Variants in UNC13C observed in about 807,000 individuals in gnomAD.
UNC13C encodes the protein protein unc-13 homolog C.
In UNC13C, 174 loss-of-function variants were observed where a neutral mutation model predicts 245.4. The observed-to-expected ratio is 0.71, with a 90% CI of 0.63 to 0.80. The LOEUF (loss-of-function observed/expected upper bound fraction) is 0.80, where lower values mean the gene tolerates loss of function less well. Among genes scored for constraint, UNC13C ranks in the 30% least tolerant of loss-of-function variants. UNC13C has a pLI of 0.00. For missense variants in UNC13C, 2,829 were observed against 2,602.9 expected (o/e 1.09, Z -1.89); for synonymous variants, 992 against 895.1 (o/e 1.11, Z -1.93).
chr15:54,505,105 G>C (rs1461859315), intron 22 of UNC13C, among the ~76,000 whole-genome samples: 1 of 152,088 alleles, frequency 6.6e-6, no homozygotes, highest in African/African-American at 2.4e-5. Flanking sequence ...ATCCGTAAAA[G>C]AGCCCTCTAC....
chr15:54,087,589 A>T (rs1489810004), intron 2 of UNC13C, among the ~76,000 whole-genome samples: 1 of 152,220 alleles, frequency 6.6e-6, no homozygotes, highest in East Asian at 1.9e-4. Context: ...AGATGGGCAT[A>T]TTACAGGCTT....
intron 10 of UNC13C, among the ~76,000 whole-genome samples, chr15:54,290,967 GAGTTA>G (rs2037281642): frequency 6.6e-6 from 1 of 152,010 alleles, no homozygotes; most frequent in African/African-American, 2.4e-5. Flanking sequence ...AATGTATTGA[GAGTTA>G]AGTTTAAGAT....
rs529345888 is a variant in UNC13C at position 54,425,472 on chromosome 15, C to T, written c.4933+10405C>T. 2.6e-5 allele frequency among the ~76,000 whole-genome samples: 4 copies of T among 151,984 alleles called. No homozygotes were observed. The South Asian group carries it at 8.3e-4, about 31-fold the overall frequency. ...CTATGCTCCACATAAGAAAAACTTA[C>T]ATGGACAACCAGGCATGAGAGATCT... On this transcript the variant is annotated intron_variant, in intron 19 of 32. Coordinates refer to ENST00000260323, the MANE Select transcript of UNC13C (RefSeq NM_001080534.3).
At chr15:54,187,079 C>G (rs2034016872) in intron 4 of UNC13C, among the ~76,000 whole-genome samples, 1 of 151,928 alleles carries the variant, frequency 6.6e-6, no homozygotes, top group Non-Finnish European at 1.5e-5. Context: ...AACTCCTGAC[C>G]TCAGGTGATC....
intron 1 of UNC13C, among the ~76,000 whole-genome samples, chr15:53,990,126 C>T (rs1017638083): frequency 5.3e-5 from 8 of 151,946 alleles, no homozygotes; most frequent in African/African-American, 1.9e-4. Context: ...CTTGCCTTCT[C>T]ACTGAAAGAG....
chr15:54,581,703 A>G (rs147725900), intron 30 of UNC13C, among the ~76,000 whole-genome samples: 28 of 152,364 alleles, frequency 1.8e-4, no homozygotes, highest in African/African-American at 6.5e-4. Context: ...CCAACATTCT[A>G]TCTATAGCAC....
At chr15:54,326,266 A>C (rs1328495982) in intron 14 of UNC13C, among the ~76,000 whole-genome samples, 15 of 152,086 alleles carry the variant, frequency 9.9e-5, no homozygotes, top group Non-Finnish European at 1.9e-4. Context: ...AAATGGTTGC[A>C]GAGGGGAAGG....
At chr15:54,183,051 A>G (rs1008430376) in intron 4 of UNC13C, among the ~76,000 whole-genome samples, 1 of 152,030 alleles carries the variant, frequency 6.6e-6, no homozygotes, top group Non-Finnish European at 1.5e-5. Flanking sequence ...AAAATAGATG[A>G]TTCAAGCTAG....
the UNC13C span, among the ~76,000 whole-genome samples, chr15:53,939,953 G>T: frequency 2.0e-5 from 3 of 152,212 alleles, no homozygotes; most frequent in African/African-American, 4.8e-5. Flanking sequence ...GGGGTCGTTT[G>T]TTGGTTAACT....
intron 18 of UNC13C, among the ~76,000 whole-genome samples, chr15:54,411,539 A>AT (rs977694925): frequency 4.6e-5 from 7 of 151,958 alleles, no homozygotes; most frequent in Non-Finnish European, 7.4e-5. Flanking sequence ...ATGAGTCAAG[A>AT]TTTTTTTCTT....
intron 4 of UNC13C, among the ~76,000 whole-genome samples, chr15:54,207,036 C>T (rs889423835): frequency 6.6e-6 from 1 of 151,978 alleles, no homozygotes; most frequent in Non-Finnish European, 1.5e-5. Flanking sequence ...AAGTTTGGAT[C>T]TCACAGTAGC....
chr15:54,571,564 A>AGT (rs1897758871), intron 30 of UNC13C, among the ~76,000 whole-genome samples: 1 of 152,168 alleles, frequency 6.6e-6, no homozygotes, highest in Non-Finnish European at 1.5e-5. Flanking sequence ...AATACCAAAT[A>AGT]CCCATGAATA....
chr15:53,885,999 T>C, the UNC13C span, among the ~76,000 whole-genome samples: 1 of 152,176 alleles, frequency 6.6e-6, no homozygotes, highest in Admixed American at 6.6e-5. Context: ...ACAAGGTTTC[T>C]GACTGTTGGG....
intron 24 of UNC13C, among the ~76,000 whole-genome samples, chr15:54,522,624 A>G (rs185224547): frequency 2.0e-5 from 3 of 152,326 alleles, no homozygotes; most frequent in Admixed American, 6.5e-5. Flanking sequence ...ATGTGGGATT[A>G]TAGTTTATTC....
intron 19 of UNC13C, among the ~76,000 whole-genome samples, chr15:54,450,574 C>T (rs760379015): frequency 1.3e-5 from 2 of 152,210 alleles, no homozygotes; most frequent in Admixed American, 1.3e-4. Context: ...CTGAGCCAGA[C>T]GTGGGATATA....
At chr15:54,066,393 T>C (rs942407814) in intron 2 of UNC13C, among the ~76,000 whole-genome samples, 1 of 152,236 alleles carries the variant, frequency 6.6e-6, no homozygotes, top group Admixed American at 6.5e-5. Flanking sequence ...TTGAAGCTTA[T>C]GTTTGTTAGA....
chr15:54,591,363 G>A (rs1354262082), intron 30 of UNC13C, among the ~76,000 whole-genome samples: 3 of 152,100 alleles, frequency 2.0e-5, no homozygotes, highest in African/African-American at 7.2e-5. Context: ...CAAAAGGATT[G>A]GTACCAATTC....
intron 10 of UNC13C, among the ~76,000 whole-genome samples, chr15:54,292,296 C>T (rs965240803): frequency 1.1e-4 from 16 of 151,890 alleles, no homozygotes; most frequent in African/African-American, 3.9e-4. Context: ...TCCTTAATGC[C>T]TGATGGGTCA....
chr15:54,603,547 A>G (rs1187055194), intron 30 of UNC13C, among the ~76,000 whole-genome samples: 1 of 152,128 alleles, frequency 6.6e-6, no homozygotes, highest in Non-Finnish European at 1.5e-5. Context: ...CCCTGAAACC[A>G]TTCACATGTG....
Sources: gnomAD v4.1 joint callset for allele counts (sites outside exome capture counted in the v4.1 genomes callset) on GRCh38, gnomAD v4.1.1 for gene constraint, MANE v1.5 for transcripts, NCBI Gene and HGNC (gene_info 2026-07-23, HGNC 2026-07-21) for gene names.